Variants in TTC28 observed in about 807,000 individuals in gnomAD.
TTC28 encodes tetratricopeptide repeat protein 28.
TTC28 carries 61 observed loss-of-function variants against 198.0 expected under a neutral mutation model. That is an observed-to-expected ratio of 0.31 (90% CI 0.25 to 0.38). The LOEUF (loss-of-function observed/expected upper bound fraction) is 0.38, where lower values mean the gene tolerates loss of function less well. TTC28 is among the 10% of genes least tolerant of loss of function. The pLI is 1.00. For synonymous variants in TTC28, 1,171 were observed against 1,297.8 expected (o/e 0.90, Z 2.10); for missense variants, 2,678 against 3,164.0 (o/e 0.85, Z 3.69).
intron 12 of TTC28, among the ~76,000 whole-genome samples, chr22:28,089,845 T>G (rs965532069): frequency 3.3e-5 from 5 of 151,752 alleles, no homozygotes; most frequent in African/African-American, 1.2e-4. Context: ...ACTATCATTC[T>G]CAGCAAAGTA....
intron 5 of TTC28, among the ~76,000 whole-genome samples, chr22:28,168,335 T>C (rs1015773120): frequency 3.3e-5 from 5 of 152,176 alleles, no homozygotes; most frequent in Non-Finnish European, 5.9e-5. Flanking sequence ...AAAGTTCATA[T>C]GGAACCAAAA....
chr22:28,073,511 T>C (rs575346936), intron 12 of TTC28, among the ~76,000 whole-genome samples: 10 of 152,170 alleles, frequency 6.6e-5, no homozygotes, highest in Non-Finnish European at 1.5e-4. Context: ...GGAAGAAAGA[T>C]ATAAGCAAAA....
chr22:28,113,176 G>C (rs996558014), intron 6 of TTC28, among the ~76,000 whole-genome samples: 1 of 152,176 alleles, frequency 6.6e-6, no homozygotes, highest in Non-Finnish European at 1.5e-5. Context: ...AGTTCTGGCT[G>C]CCTTTTCTCT....
At chr22:28,234,799 T>G (rs134180) in intron 5 of TTC28, among the ~76,000 whole-genome samples, 116,249 of 152,094 alleles carry the variant, frequency 0.76, 44,594 homozygotes, top group South Asian at 0.85. Context: ...TACTAGGTAA[T>G]TGGCCTCCAC....
At chr22:27,992,979 C>T in intron 18 of TTC28, 1 of 560,712 alleles carries the variant, frequency 1.8e-6, no homozygotes, top group Non-Finnish European at 3.2e-6. Flanking sequence ...TTCATCGGGG[C>T]CACAGCTGCT....
chr22:28,564,862 T>C (rs1354949500), intron 2 of TTC28, among the ~76,000 whole-genome samples: 1 of 147,670 alleles, frequency 6.8e-6, no homozygotes, highest in Non-Finnish European at 1.5e-5. Context: ...ATATATATTT[T>C]ATATATAAAT....
Position 28,629,832 on chromosome 22 carries a change from TACAA to T in TTC28, c.103-6_103-3del, listed in dbSNP as rs1196555522. On this transcript the variant is annotated splice_region_variant and splice_polypyrimidine_tract_variant and intron_variant, in intron 1 of 22. Coordinates refer to ENST00000397906, the MANE Select transcript of TTC28 (RefSeq NM_001145418.2). ...AGTGTCAGCACCAAAGAGAGGAATC[TACAA>T]ACAAAGAAACTTTATCAGAAAAAGT... 19 of 1,542,526 alleles carry T rather than the reference TACAA, an allele frequency of 1.2e-5. No individual in the cohort carries two copies. The highest frequency in any genetic ancestry group is 1.5e-5 in the Non-Finnish European group (17 of 1,143,762).
intron 2 of TTC28, among the ~76,000 whole-genome samples, chr22:28,489,653 G>A (rs571548579): frequency 7.2e-5 from 11 of 152,266 alleles, no homozygotes; most frequent in Admixed American, 1.3e-4. Flanking sequence ...AGGTATGGTG[G>A]TGCATGCCTG....
At chr22:28,486,060 T>G (rs1411118953) in intron 2 of TTC28, among the ~76,000 whole-genome samples, 1 of 151,934 alleles carries the variant, frequency 6.6e-6, no homozygotes, top group African/African-American at 2.4e-5. Context: ...ATAAAGACAA[T>G]TATAAGGGAA....
intron 2 of TTC28, among the ~76,000 whole-genome samples, chr22:28,444,643 A>C (rs1259142369): frequency 6.6e-6 from 1 of 152,200 alleles, no homozygotes; most frequent in Non-Finnish European, 1.5e-5. Context: ...TGAGATTCAG[A>C]GTGCTCATTT....
At chr22:28,464,638 G>A (rs1237681008) in intron 2 of TTC28, among the ~76,000 whole-genome samples, 1 of 152,142 alleles carries the variant, frequency 6.6e-6, no homozygotes, top group East Asian at 1.9e-4. Context: ...CTTAAGAGCT[G>A]AATCTTCTTT....
chr22:28,140,949 G>T (rs1344958007), intron 6 of TTC28, among the ~76,000 whole-genome samples: 3 of 151,128 alleles, frequency 2.0e-5, no homozygotes, highest in Non-Finnish European at 4.4e-5. Context: ...AGGAGGAGGA[G>T]GAGGAGGAGG....
chr22:28,601,672 ATGAC>A (rs1481700502), intron 2 of TTC28, among the ~76,000 whole-genome samples: 2 of 152,060 alleles, frequency 1.3e-5, no homozygotes, highest in Non-Finnish European at 2.9e-5. Context: ...ATACTGAGAG[ATGAC>A]TATACTAAGA....
chr22:28,190,609 A>G (rs930205445), intron 5 of TTC28, among the ~76,000 whole-genome samples: 1 of 152,244 alleles, frequency 6.6e-6, no homozygotes, highest in Admixed American at 6.5e-5. Flanking sequence ...ATGAAAATTC[A>G]GCTTTAGAAT....
chr22:28,484,473 A>T (rs997420739), intron 2 of TTC28, among the ~76,000 whole-genome samples: 2 of 152,192 alleles, frequency 1.3e-5, no homozygotes, highest in African/African-American at 4.8e-5. Flanking sequence ...TTATTTGTAC[A>T]AACAGGCAAA....
intron 6 of TTC28, among the ~76,000 whole-genome samples, chr22:28,148,773 T>C (rs1025753769): frequency 2.0e-5 from 3 of 152,246 alleles, no homozygotes; most frequent in Admixed American, 6.5e-5. Flanking sequence ...GAAATTGCCA[T>C]TGCTCCCAGA....
intron 2 of TTC28, among the ~76,000 whole-genome samples, chr22:28,542,451 G>T (rs2145935257): frequency 6.6e-6 from 1 of 152,194 alleles, no homozygotes; most frequent in Admixed American, 6.5e-5. Flanking sequence ...TATCCAAAAA[G>T]CTCTATGAAC....
intron 2 of TTC28, among the ~76,000 whole-genome samples, chr22:28,504,808 G>C (rs1053066913): frequency 1.3e-5 from 2 of 152,016 alleles, no homozygotes; most frequent in African/African-American, 4.8e-5. Context: ...AAAATCCAGT[G>C]GGAGTGGGTA....
intron 5 of TTC28, among the ~76,000 whole-genome samples, chr22:28,271,385 A>G (rs143101146): frequency 3.7e-4 from 56 of 152,332 alleles, no homozygotes; most frequent in African/African-American, 1.2e-3. Flanking sequence ...ATAGATGAAC[A>G]TAATCTGGCA....
Sources: allele counts gnomAD v4.1 joint callset (sites outside exome capture counted in the v4.1 genomes callset), GRCh38; gene constraint gnomAD v4.1.1; transcripts MANE v1.5; gene names NCBI Gene and HGNC (gene_info 2026-07-23, HGNC 2026-07-21).